NT5C3B: variants seen among roughly 807,000 people sequenced by gnomAD.
NT5C3B encodes the protein 7-methylguanosine phosphate-specific 5'-nucleotidase.
NT5C3B carries 28 observed loss-of-function variants against 32.5 expected under a neutral mutation model. The ratio of observed to expected loss-of-function variants is 0.86; its 90% CI spans 0.64 to 1.18. The LOEUF is 1.18. Ranked by LOEUF, NT5C3B falls within the 50% of genes most tolerant of loss-of-function variation. The probability of loss-of-function intolerance (pLI) is 0.00; values close to 1 mark genes in which losing one functional copy is unlikely to be tolerated. For missense variants in NT5C3B, 317 were observed against 322.0 expected, an observed-to-expected ratio of 0.98 and a Z score of 0.12; for synonymous variants, 138 against 118.0, an observed-to-expected ratio of 1.17 and a Z score of -1.10.
At chr17:41,830,424 G>A (rs1202389311) in intron 6 of NT5C3B, among the ~76,000 whole-genome samples, 3 of 152,136 alleles carry the variant, frequency 2.0e-5, no homozygotes, top group Non-Finnish European at 2.9e-5. Context: ...CAGGAGAATC[G>A]CTTGAACCCA....
intron 5 of NT5C3B, among the ~76,000 whole-genome samples, chr17:41,831,682 G>C (rs1056053117): frequency 6.6e-6 from 1 of 152,102 alleles, no homozygotes; most frequent in African/African-American, 2.4e-5. Context: ...GAAGGCCCTC[G>C]CCAAATGCCA....
intron 6 of NT5C3B, 31 bp from the exon 7 acceptor site, chr17:41,828,983 C>A: frequency 6.3e-7 from 1 of 1,588,368 alleles, no homozygotes; most frequent in East Asian, 2.2e-5. Flanking sequence ...TCTGAAATGG[C>A]ACTGCCTCTA....
chr17:41,825,952 C>T (rs1555618076), intron 8 of NT5C3B, among the ~76,000 whole-genome samples: 3 of 152,002 alleles, frequency 2.0e-5, no homozygotes, highest in Non-Finnish European at 4.4e-5. Context: ...TCATCTGAGC[C>T]CAAGAGTTTG....
At chr17:41,835,352 T>C (rs1204173371) in intron 2 of NT5C3B, 80 bp from the exon 3 acceptor site, 2 of 1,215,718 alleles carry the variant, frequency 1.6e-6, no homozygotes, top group Admixed American at 1.7e-5. Context: ...GGGATGATTA[T>C]GGAAATCAAT....
intron 4 of NT5C3B, 150 bp from the exon 5 acceptor site, chr17:41,832,627 G>A: frequency 1.9e-6 from 1 of 529,662 alleles, no homozygotes. Context: ...CAGTGCTTTA[G>A]GAGGCTGAGG....
chr17:41,829,356 T>C (rs1299491838), intron 6 of NT5C3B, among the ~76,000 whole-genome samples: 3 of 152,062 alleles, frequency 2.0e-5, no homozygotes, highest in Non-Finnish European at 4.4e-5. Context: ...CAAGACTCCA[T>C]CTCAAAAAAT....
intron 6 of NT5C3B, 100 bp from the exon 7 acceptor site, chr17:41,829,052 T>C: frequency 9.7e-7 from 1 of 1,027,926 alleles, no homozygotes; most frequent in Non-Finnish European, 1.4e-6. Flanking sequence ...GACAGGGTCT[T>C]GCTCTGTTGC....
chr17:41,833,790 G>A (rs1555619399), intron 4 of NT5C3B, among the ~76,000 whole-genome samples: 1 of 152,192 alleles, frequency 6.6e-6, no homozygotes, highest in East Asian at 1.9e-4. Context: ...TCATGTGAAT[G>A]CACAGCATCT....
intron 6 of NT5C3B, 66 bp from the exon 7 acceptor site, chr17:41,829,018 GGTT>G (rs371951264): frequency 6.7e-7 from 1 of 1,499,818 alleles, no homozygotes; most frequent in Non-Finnish European, 9.1e-7. Context: ...TTCCTATTTG[GGTT>G]GTTTTTTGGG....
At chr17:41,827,399 G>A in intron 8 of NT5C3B, 27 bp downstream of exon 8, 1 of 866,348 alleles carries the variant, frequency 1.2e-6, no homozygotes, top group South Asian at 1.3e-5. Flanking sequence ...AAGACATGAA[G>A]AGAAGCAGCC....
intron 8 of NT5C3B, among the ~76,000 whole-genome samples, chr17:41,826,759 G>A (rs1239437487): frequency 3.3e-5 from 5 of 151,804 alleles, no homozygotes; most frequent in East Asian, 1.9e-4. Flanking sequence ...CCAGCACTTC[G>A]GGAGACTGAG....
chr17:41,833,182 G>A (rs998525310), intron 4 of NT5C3B, among the ~76,000 whole-genome samples: 2 of 152,122 alleles, frequency 1.3e-5, no homozygotes, highest in African/African-American at 4.8e-5. Flanking sequence ...AATTTTCAGG[G>A]CTTAACCAGT....
chr17:41,834,842 T>A (rs1467259801), intron 4 of NT5C3B, among the ~76,000 whole-genome samples: 1 of 152,240 alleles, frequency 6.6e-6, no homozygotes, highest in African/African-American at 2.4e-5. Context: ...GTAAACTCTA[T>A]AGCCAACAGT....
chr17:41,830,720 C>T lies in NT5C3B; in HGVS notation c.404+81G>A, dbSNP rs1479424475. On this transcript the variant is annotated intron_variant, in intron 6 of 8. Transcript: ENST00000435506. ...GGTCCTTTAAGCAACTAACTGCTCTCTACTCTTCCCCCGCCTCCTTTTTTT... is the reference window on the plus strand; with the variant it reads ...GGTCCTTTAAGCAACTAACTGCTCTTTACTCTTCCCCCGCCTCCTTTTTTT... 8 of 1,011,750 alleles carry T rather than the reference C, an allele frequency of 7.9e-6. No homozygotes were observed. The South Asian group carries it at 9.0e-5, about 11-fold the overall frequency. 62.7% of individuals were successfully genotyped at this position (1,011,750 alleles called of 1,614,324 possible).
intron 4 of NT5C3B, among the ~76,000 whole-genome samples, chr17:41,833,957 T>C (rs1397520223): frequency 6.6e-6 from 1 of 152,192 alleles, no homozygotes; most frequent in East Asian, 1.9e-4. Context: ...TGCATGATTC[T>C]CAGGAACATT....
Position 41,827,206 on chromosome 17 carries a change from A to T in NT5C3B, c.768+220T>A, listed in dbSNP as rs2047981569. On this transcript the variant is annotated intron_variant, in intron 8 of 8. Transcript: ENST00000435506. ...CTGTAGTCCCAGCTACTTGGGAGCC[A>T]GAGGCTCCCGTGAACCCAGGAGGCG... Among the ~76,000 whole-genome samples the T allele has an allele frequency of 2.0e-5, 3 of 151,736 alleles. No homozygotes were observed. In the South Asian group the frequency reaches 6.2e-4, roughly 31 times the overall value.
Position 41,830,853 on chromosome 17 carries a change from T to C in NT5C3B, c.352A>G (p.Ile118Val), listed in dbSNP as rs782168074. 1.2e-6 allele frequency: 2 copies of C among 1,611,830 alleles called. No individual in the cohort carries two copies. Among genetic ancestry groups the C allele is most frequent in the South Asian group, 1.1e-5 (1 of 90,812 alleles). The change falls in exon 6 of 9, where the codon ATT becomes GTT. Residue 118 changes from isoleucine (I) to valine (V), a missense_variant. Transcript: ENST00000435506. ...ACCTGGGCTATCTGAAACTTCTGAA[T>C]CTTCTGCTGACATAGGAGATTGTGT... is the stretch of plus-strand genomic sequence containing the variant. Reference protein sequence around the residue: ...KAHNLLCQQKIQKFQIAQVVR... With the variant: ...KAHNLLCQQKVQKFQIAQVVR...
At chr17:41,827,088 C>G (rs372772641) in intron 8 of NT5C3B, among the ~76,000 whole-genome samples, 2 of 151,260 alleles carry the variant, frequency 1.3e-5, no homozygotes, top group South Asian at 4.2e-4. Context: ...AGGCGGATCA[C>G]GAGGTCAGGA....
At chr17:41,827,147 A>C (rs2047980294) in intron 8 of NT5C3B, among the ~76,000 whole-genome samples, 1 of 151,968 alleles carries the variant, frequency 6.6e-6, no homozygotes, top group Non-Finnish European at 1.5e-5. Flanking sequence ...TCTACTAAAA[A>C]TACAAAAAAT....
Sources: allele counts gnomAD v4.1 joint callset (sites outside exome capture counted in the v4.1 genomes callset), GRCh38; gene constraint gnomAD v4.1.1; transcripts MANE v1.5; gene names NCBI Gene and HGNC (gene_info 2026-07-23, HGNC 2026-07-21).